Variants in DCLK2 observed in about 807,000 individuals in gnomAD.
The protein encoded by DCLK2 is doublecortin like kinase 2.
A neutral mutation model predicts 78.4 loss-of-function variants in DCLK2; 31 were observed. The observed-to-expected ratio is 0.40, with a 90% CI of 0.30 to 0.53. The LOEUF is 0.53. Ranked by LOEUF, DCLK2 falls within the 20% of genes least tolerant of loss-of-function variation. DCLK2 has a pLI of 0.61. For synonymous variants in DCLK2, 407 were observed against 374.9 expected (o/e 1.09, Z -0.99); for missense variants, 872 against 973.7 (o/e 0.90, Z 1.39).
intron 2 of DCLK2, among the ~76,000 whole-genome samples, chr4:150,179,961 A>G (rs1257707493): frequency 1.4e-5 from 2 of 147,020 alleles, no homozygotes; most frequent in African/African-American, 2.5e-5. Flanking sequence ...TTAAAAAAAA[A>G]TCCTAGATAT....
At chr4:150,082,277 A>G (rs1401008788) in intron 1 of DCLK2, among the ~76,000 whole-genome samples, 2 of 152,214 alleles carry the variant, frequency 1.3e-5, no homozygotes, top group Non-Finnish European at 2.9e-5. Flanking sequence ...ATGTTCAACT[A>G]GGCTCTACTT....
At chr4:150,250,873 CCCCCACACT>C (rs1351083221) in intron 15 of DCLK2, among the ~76,000 whole-genome samples, 44 of 93,934 alleles carry the variant, frequency 4.7e-4, no homozygotes, top group African/African-American at 1.6e-3. Flanking sequence ...CCCCCAACAT[CCCCCACACT>C]CCCCACACCC....
chr4:150,246,175 G>T (rs535144643), intron 12 of DCLK2, among the ~76,000 whole-genome samples: 25 of 152,112 alleles, frequency 1.6e-4, no homozygotes, highest in Non-Finnish European at 3.2e-4. Context: ...CTCCTGAGTA[G>T]CTGGGATTAC....
At chr4:150,243,540 TC>T (rs1393418756) in intron 12 of DCLK2, among the ~76,000 whole-genome samples, 1 of 152,206 alleles carries the variant, frequency 6.6e-6, no homozygotes, top group Non-Finnish European at 1.5e-5. Context: ...TACTTAAAAG[TC>T]CTTCACATAT....
Position 150,232,328 on chromosome 4 carries a change from A to G in DCLK2, c.1300-9A>G, listed in dbSNP as rs756230898. The G allele has an allele frequency of 6.2e-7, 1 of 1,613,628 alleles. No homozygotes were observed. ...TTCTGATCTCCTCTCTATACCGTTC[A>G]TTTGACAGGAACACCTGATTGAGAA... On this transcript the variant is annotated splice_polypyrimidine_tract_variant and intron_variant, in intron 8 of 15. Coordinates refer to ENST00000296550, the MANE Select transcript of DCLK2 (RefSeq NM_001040260.4).
At chr4:150,085,913 G>A (rs1729604598) in intron 1 of DCLK2, among the ~76,000 whole-genome samples, 1 of 152,200 alleles carries the variant, frequency 6.6e-6, no homozygotes, top group Non-Finnish European at 1.5e-5. Flanking sequence ...AAAGTTCAGT[G>A]ATCTTGGGAA....
At chr4:150,101,572 G>T (rs1730895582) in intron 1 of DCLK2, among the ~76,000 whole-genome samples, 2 of 151,922 alleles carry the variant, frequency 1.3e-5, no homozygotes, top group South Asian at 4.2e-4. Context: ...TATCTTGTAT[G>T]TCAAAAAGTC....
intron 2 of DCLK2, among the ~76,000 whole-genome samples, chr4:150,119,035 C>CAAT (rs889215202): frequency 1.9e-5 from 1 of 53,980 alleles, no homozygotes; most frequent in African/African-American, 7.4e-5. Context: ...CTCAAAATAA[C>CAAT]AATAATAATA....
chr4:150,193,106 A>C, intron 2 of DCLK2, 32 bp from the exon 3 acceptor site: 2 of 1,366,040 alleles, frequency 1.5e-6, no homozygotes, highest in South Asian at 1.2e-5. Context: ...AATGTGTCTA[A>C]TTTATTTCTT....
intron 2 of DCLK2, among the ~76,000 whole-genome samples, chr4:150,125,068 T>C (rs1732827060): frequency 1.3e-5 from 2 of 152,224 alleles, no homozygotes; most frequent in Admixed American, 1.3e-4. Flanking sequence ...CCAATGTTTT[T>C]ACTAGCAGTA....
Position 150,193,226 on chromosome 4 carries a change from T to C in DCLK2, c.845T>C (p.Val282Ala). The C allele has an allele frequency of 6.2e-7, 1 of 1,607,774 alleles. No homozygotes were observed. The highest frequency in any genetic ancestry group is 8.5e-7 in the Non-Finnish European group (1 of 1,174,988). Reference sequence around the variant, plus strand: ...TTTCGTTATGCCCAAGATGACTTTGTCCTGGATCATAGTGGTAAGGCAATT... The same window carrying C: ...TTTCGTTATGCCCAAGATGACTTTGCCCTGGATCATAGTGGTAAGGCAATT... ...EKFRYAQDDF[V>A]LDHSECRVLK... The change falls in exon 3 of 16, where the codon GTC (valine) becomes GCC (alanine). Residue 282 changes from valine (V) to alanine (A), a missense_variant. This residue lies in a region of DCLK2 where 567 missense variants were observed against 593.4 expected (regional missense o/e 0.96). Coordinates refer to ENST00000296550, the MANE Select transcript of DCLK2 (RefSeq NM_001040260.4).
intron 1 of DCLK2, among the ~76,000 whole-genome samples, chr4:150,083,086 C>T (rs1010797035): frequency 5.9e-5 from 9 of 152,224 alleles, no homozygotes; most frequent in African/African-American, 1.2e-4. Flanking sequence ...TGTATGTACC[C>T]GTTAATTATC....
chr4:150,239,798 G>A lies in DCLK2; in HGVS notation c.1623G>A (p.Ala541=), dbSNP rs776893064. 24 of 1,614,078 alleles carry A rather than the reference G, an allele frequency of 1.5e-5. No homozygotes were observed. The highest frequency in any genetic ancestry group is 1.1e-4 in the South Asian group (10 of 91,082). Residue 541 remains alanine (A), a synonymous_variant, in exon 11 of 16, where the codon GCG becomes GCA. Coordinates refer to ENST00000296550, the MANE Select transcript of DCLK2 (RefSeq NM_001040260.4). ...KSLKLGDFGL[A]TVVEGPLYTV... ...TGAAACTGGGAGACTTTGGGCTTGC[G>A]ACTGTGGTAGAAGGCCCTTTATACA...
chr4:150,247,522 C>G, intron 12 of DCLK2, 81 bp from the exon 13 acceptor site: 1 of 1,219,216 alleles, frequency 8.2e-7, no homozygotes, highest in Non-Finnish European at 1.2e-6. Context: ...GGACTCCTTT[C>G]CCCGCTCTTC....
At chr4:150,235,496 C>A (rs982846592) in intron 10 of DCLK2, among the ~76,000 whole-genome samples, 1 of 152,166 alleles carries the variant, frequency 6.6e-6, no homozygotes, top group African/African-American at 2.4e-5. Flanking sequence ...TCCACCCCTT[C>A]CCAAACCTAC....
Position 150,142,968 on chromosome 4 carries a change from T to C in DCLK2, c.756+40156T>C, listed in dbSNP as rs146418561. ...CTTTTTGAGTCCCCAGTGTCTGTTA[T>C]TTCTGTCTTTATGTCTGTGTGTACC... On this transcript the variant is annotated intron_variant, in intron 2 of 15. Coordinates refer to ENST00000296550, the MANE Select transcript of DCLK2 (RefSeq NM_001040260.4). 2.2e-4 allele frequency among the ~76,000 whole-genome samples: 34 copies of C among 152,256 alleles called. No homozygotes were observed. In the East Asian group the frequency reaches 4.8e-3, roughly 22 times the overall value.
intron 2 of DCLK2, among the ~76,000 whole-genome samples, chr4:150,103,961 C>T (rs1731058343): frequency 6.6e-6 from 1 of 151,852 alleles, no homozygotes; most frequent in Non-Finnish European, 1.5e-5. Flanking sequence ...ACACAAAACA[C>T]CTTAAGATTT....
chr4:150,221,776 G>A lies in DCLK2; in HGVS notation c.1232G>A (p.Cys411Tyr), dbSNP rs1294938194. 2 of 1,573,294 alleles carry A rather than the reference G, an allele frequency of 1.3e-6. No homozygotes were observed. Among genetic ancestry groups the A allele is most frequent in the Non-Finnish European group, 1.7e-6 (2 of 1,155,566 alleles). Residue 411 changes from cysteine to tyrosine, a missense_variant, in exon 7 of 16, where the codon TGT becomes TAT. By Grantham distance (194) the Cys-to-Tyr change is radical (BLOSUM62 -2). This residue lies in a region of DCLK2 where 567 missense variants were observed against 593.4 expected (regional missense o/e 0.96). Coordinates refer to ENST00000296550, the MANE Select transcript of DCLK2 (RefSeq NM_001040260.4). ...GDGNFAVVKE[C>Y]IDRSTGKEFA... ...GGCAATTTTGCAGTAGTCAAAGAGT[G>A]TATAGACAGGTGAGTGGACAGTGAG...
chr4:150,103,131 A>G (rs1017344838), intron 2 of DCLK2, among the ~76,000 whole-genome samples: 4 of 152,188 alleles, frequency 2.6e-5, no homozygotes, highest in Non-Finnish European at 4.4e-5. Context: ...GTTAAATGGC[A>G]TGTCATCTAT....
Sources: allele counts gnomAD v4.1 joint callset (sites outside exome capture counted in the v4.1 genomes callset), GRCh38; gene constraint gnomAD v4.1.1; regional missense constraint gnomAD v4.1.1; transcripts MANE v1.5; gene names NCBI Gene and HGNC (gene_info 2026-07-23, HGNC 2026-07-21).